The following PPP3CC variants were observed in gnomAD, a reference collection of about 807,000 sequenced individuals.
The protein encoded by PPP3CC is serine/threonine-protein phosphatase 2B catalytic subunit gamma isoform.
A neutral mutation model predicts 60.3 loss-of-function variants in PPP3CC; 35 were observed. The observed-to-expected ratio is 0.58, with a 90% confidence interval of 0.44 to 0.77. PPP3CC has a LOEUF of 0.77. PPP3CC is among the 30% of genes least tolerant of loss of function. PPP3CC has a pLI of 0.00. For missense variants in PPP3CC, 570 were observed against 628.9 expected (o/e 0.91, Z 1.00); for synonymous variants, 206 against 224.3 (o/e 0.92, Z 0.73).
intron 6 of PPP3CC, among the ~76,000 whole-genome samples, chr8:22,520,202 T>C (rs897521210): frequency 1.3e-5 from 2 of 152,200 alleles, no homozygotes; most frequent in Non-Finnish European, 2.9e-5. Context: ...GATAGTCTTA[T>C]AGAAGCTTCC....
At chr8:22,461,703 G>A (rs6981171) in intron 1 of PPP3CC, among the ~76,000 whole-genome samples, 1,727 of 152,072 alleles carry the variant, frequency 0.011, 28 homozygotes, top group African/African-American at 0.037. Flanking sequence ...AAGAGCTGTG[G>A]GACCTCTCAA....
intron 4 of PPP3CC, among the ~76,000 whole-genome samples, chr8:22,502,926 C>T (rs1296392663): frequency 6.6e-6 from 1 of 151,974 alleles, no homozygotes; most frequent in Admixed American, 6.6e-5. Context: ...ACATGTTGCC[C>T]AGGCTAATCT....
At chr8:22,516,317 A>G (rs1012473260) in intron 6 of PPP3CC, among the ~76,000 whole-genome samples, 3 of 152,158 alleles carry the variant, frequency 2.0e-5, no homozygotes, top group Non-Finnish European at 2.9e-5. Context: ...TTCTTTTTAC[A>G]TTGCTTAAAA....
rs1365012058 is a variant in PPP3CC, at chr8:22,475,056, G to A, written c.152G>A (p.Arg51Gln). Residue 51 changes from arginine (R) to glutamine (Q), a missense_variant, in exon 2 of 14, where the codon CGA becomes CAA. By Grantham distance (43) the Arg-to-Gln change is conservative. Transcript: ENST00000240139. ...VLKNHLVKEG[R>Q]LEEEVALKII... ...AAAAACCATTTGGTAAAGGAAGGAC[G>A]ACTGGAAGAGGAAGTAGCCTTAAAG... is the stretch of plus-strand genomic sequence containing the variant. The A allele has an allele frequency of 1.9e-6, 3 of 1,613,456 alleles. No homozygotes were observed. The highest frequency in any genetic ancestry group is 2.5e-6 in the Non-Finnish European group (3 of 1,179,558).
intron 1 of PPP3CC, among the ~76,000 whole-genome samples, chr8:22,474,404 T>C (rs1484560094): frequency 6.6e-6 from 1 of 152,094 alleles, no homozygotes; most frequent in Non-Finnish European, 1.5e-5. Context: ...GTCTTTCATG[T>C]TTATGTGTAA....
At chr8:22,465,364 G>A (rs1837488945) in intron 1 of PPP3CC, among the ~76,000 whole-genome samples, 1 of 152,036 alleles carries the variant, frequency 6.6e-6, no homozygotes, top group South Asian at 2.1e-4. Context: ...TATACTAGAA[G>A]CCCAAACTTT....
chr8:22,533,339 A>G (rs1462970529), intron 12 of PPP3CC, among the ~76,000 whole-genome samples: 1 of 152,222 alleles, frequency 6.6e-6, no homozygotes, highest in East Asian at 1.9e-4. Context: ...AAAATAAAGA[A>G]CTTCTCTTCT....
chr8:22,449,951 C>G (rs774786736), intron 1 of PPP3CC, among the ~76,000 whole-genome samples: 57 of 150,982 alleles, frequency 3.8e-4, no homozygotes, highest in Non-Finnish European at 6.3e-4. Context: ...ACTGCAACCT[C>G]TGTCTCCCGG....
intron 3 of PPP3CC, among the ~76,000 whole-genome samples, chr8:22,489,650 A>AATAAGTATATATTAT (rs1586826304): frequency 1.1e-5 from 1 of 93,834 alleles, no homozygotes; most frequent in African/African-American, 4.3e-5. Flanking sequence ...TATAATATAC[A>AATAAGTATATATTAT]ATAAGTATAT....
intron 1 of PPP3CC, among the ~76,000 whole-genome samples, chr8:22,444,590 C>T (rs181063531): frequency 7.8e-4 from 118 of 152,250 alleles, no homozygotes; most frequent in African/African-American, 2.6e-3. Flanking sequence ...CTGGTACTCC[C>T]TAGGCAGCAG....
intron 1 of PPP3CC, among the ~76,000 whole-genome samples, chr8:22,455,602 T>C (rs531972799): frequency 1.3e-5 from 2 of 152,376 alleles, no homozygotes; most frequent in Non-Finnish European, 1.5e-5. Flanking sequence ...TTGGTTATTT[T>C]TAACTACTTT....
chr8:22,515,142 G>A (rs1839209671), intron 6 of PPP3CC, among the ~76,000 whole-genome samples: 1 of 151,774 alleles, frequency 6.6e-6, no homozygotes, highest in Admixed American at 6.6e-5. Context: ...CCCAGCCTCT[G>A]GTAACCATCA....
rs559628559 is a variant in PPP3CC at position 22,499,235 on chromosome 8, C to T, written c.484+1123C>T. Among the ~76,000 whole-genome samples, 160 of 150,128 alleles carry T rather than the reference C, an allele frequency of 1.1e-3. 1 individual carries two copies. The highest frequency in any genetic ancestry group is 3.3e-3 in the African/African-American group (133 of 40,778). On this transcript the variant is annotated intron_variant, in intron 4 of 13. Transcript: ENST00000240139. ...CGGGTGGATCATGAGGTCAGGAGAT[C>T]GAGACCATCCTGGCTAACAAGGTGA...
chr8:22,534,030 C>T (rs1839787187), intron 12 of PPP3CC, among the ~76,000 whole-genome samples: 1 of 151,728 alleles, frequency 6.6e-6, no homozygotes, highest in Non-Finnish European at 1.5e-5. Context: ...AAAACCCCAC[C>T]TCTACTAAAA....
At position 22,514,927 on chromosome 8, in the gene PPP3CC, C is replaced by G. The variant is rs113745468; in HGVS notation, c.770+1495C>G. On this transcript the variant is annotated intron_variant, in intron 6 of 13. Coordinates refer to ENST00000240139, the MANE Select transcript of PPP3CC (RefSeq NM_005605.5). ...TCCTAACCTCAAGTGATCCACCCAC[C>G]TCAGCCTCCCAAAGTGCTGGGATTA... Among the ~76,000 whole-genome samples, 7 of 152,250 alleles carry G rather than the reference C, an allele frequency of 4.6e-5. 3 individuals are homozygous for G. Among genetic ancestry groups the G allele is most frequent in the African/African-American group, 1.7e-4 (7 of 41,548 alleles).
At chr8:22,529,975 A>G (rs1038505107) in intron 10 of PPP3CC, among the ~76,000 whole-genome samples, 1 of 152,180 alleles carries the variant, frequency 6.6e-6, no homozygotes, top group African/African-American at 2.4e-5. Flanking sequence ...AACCGGCCTC[A>G]TCCTATCCAG....
intron 3 of PPP3CC, among the ~76,000 whole-genome samples, chr8:22,482,519 G>A (rs1360917916): frequency 2.0e-5 from 3 of 152,160 alleles, no homozygotes; most frequent in East Asian, 1.9e-4. Context: ...CTTTTGCAGT[G>A]CAGAAGCTCT....
chr8:22,460,420 G>A (rs1837331746), intron 1 of PPP3CC, among the ~76,000 whole-genome samples: 3 of 151,326 alleles, frequency 2.0e-5, no homozygotes, highest in Admixed American at 6.6e-5. Context: ...TCAAACTCCT[G>A]TCCTCAAGTG....
At chr8:22,526,493 TTAA>T (rs1362575299) in intron 8 of PPP3CC, among the ~76,000 whole-genome samples, 1 of 152,230 alleles carries the variant, frequency 6.6e-6, no homozygotes, top group Admixed American at 6.5e-5. Context: ...ATTTATTTTC[TTAA>T]TAATATATGG....
Sources: allele counts gnomAD v4.1 joint callset (sites outside exome capture counted in the v4.1 genomes callset), GRCh38; gene constraint gnomAD v4.1.1; transcripts MANE v1.5; gene names NCBI Gene and HGNC (gene_info 2026-07-23, HGNC 2026-07-21).